SLC5A11: variants seen among roughly 807,000 people sequenced by gnomAD.
The protein encoded by SLC5A11 is solute carrier family 5 member 11, also known as sodium/myo-inositol cotransporter 2.
A neutral mutation model predicts 69.8 loss-of-function variants in SLC5A11; 48 were observed. The ratio of observed to expected loss-of-function variants is 0.69; its 90% CI spans 0.55 to 0.87. The LOEUF (loss-of-function observed/expected upper bound fraction) is 0.87. Ranked by LOEUF, SLC5A11 falls within the 40% of genes least tolerant of loss-of-function variation. The pLI, the probability that SLC5A11 is intolerant of heterozygous loss-of-function variation, is 0.00. For missense variants in SLC5A11, 784 were observed against 866.1 expected (o/e 0.91, Z 1.19); for synonymous variants, 319 against 342.4 (o/e 0.93, Z 0.75).
intron 10 of SLC5A11, among the ~76,000 whole-genome samples, chr16:24,900,186 C>T (rs368847333): frequency 1.9e-4 from 29 of 152,294 alleles, no homozygotes; most frequent in African/African-American, 6.3e-4. Context: ...AAGAAAGCTC[C>T]TCTCTTTTCC....
exon 16 of SLC5A11, chr16:24,911,401 G>A: frequency 6.2e-7 from 1 of 1,614,108 alleles, no homozygotes; most frequent in Non-Finnish European, 8.5e-7. Context: ...AGAAGGGCAA[G>A]GAAGAGCTCC....
intron 10 of SLC5A11, among the ~76,000 whole-genome samples, chr16:24,900,935 A>AG (rs796103017): frequency 8.6e-4 from 129 of 149,292 alleles, no homozygotes; most frequent in Admixed American, 1.1e-3. Flanking sequence ...AAAAAAAAAA[A>AG]AAAAGGAAAG....
intron 14 of SLC5A11, among the ~76,000 whole-genome samples, chr16:24,909,309 G>A (rs2050316545): frequency 6.6e-6 from 1 of 152,130 alleles, no homozygotes; most frequent in Non-Finnish European, 1.5e-5. Context: ...ATGGAGCCCA[G>A]TATCTTCTAG....
intron 1 of SLC5A11, among the ~76,000 whole-genome samples, chr16:24,852,232 A>C (rs973518015): frequency 2.6e-5 from 4 of 152,172 alleles, no homozygotes; most frequent in African/African-American, 9.7e-5. Context: ...TAAGGCATGA[A>C]ATGCGGCAAA....
At chr16:24,907,046 C>T in exon 12 of SLC5A11, 1 of 1,614,134 alleles carries the variant, frequency 6.2e-7, no homozygotes, top group Non-Finnish European at 8.5e-7. Context: ...CTGATGATGG[C>T]TGTGATGGTG....
chr16:24,911,435 G>A (rs779520981), exon 16 of SLC5A11: 1 of 1,614,144 alleles, frequency 6.2e-7, no homozygotes, highest in Non-Finnish European at 8.5e-7. Context: ...AGCCATCATA[G>A]TTTCCCTGGA....
At chr16:24,860,853 C>T (rs1367506068) in intron 2 of SLC5A11, among the ~76,000 whole-genome samples, 1 of 152,094 alleles carries the variant, frequency 6.6e-6, no homozygotes, top group Non-Finnish European at 1.5e-5. Context: ...CTACAGGCAT[C>T]CGTCACCATG....
chr16:24,870,939 C>T (rs1316220208), intron 4 of SLC5A11, among the ~76,000 whole-genome samples: 1 of 151,898 alleles, frequency 6.6e-6, no homozygotes, highest in South Asian at 2.1e-4. Context: ...TAGTTTTTGA[C>T]TTTGTTTGCT....
At chr16:24,892,998 C>T (rs1473993809) in intron 9 of SLC5A11, among the ~76,000 whole-genome samples, 1 of 151,478 alleles carries the variant, frequency 6.6e-6, no homozygotes, top group Non-Finnish European at 1.5e-5. Context: ...TGGCTGGGTG[C>T]GGTGGCTCAT....
At chr16:24,849,945 TTTATTATCATTA>T (rs1218124705) in intron 1 of SLC5A11, among the ~76,000 whole-genome samples, 1 of 151,982 alleles carries the variant, frequency 6.6e-6, no homozygotes, top group Non-Finnish European at 1.5e-5. Flanking sequence ...AATTTTTTAT[TTTATTATCATTA>T]TTATTATCTA....
At chr16:24,874,734 AC>A (rs1322241490) in intron 5 of SLC5A11, among the ~76,000 whole-genome samples, 1 of 152,018 alleles carries the variant, frequency 6.6e-6, no homozygotes, top group Non-Finnish European at 1.5e-5. Context: ...GACTACAGCC[AC>A]CATGCCCAGC....
At chr16:24,870,185 G>C (rs2047185117) in intron 4 of SLC5A11, among the ~76,000 whole-genome samples, 180 bp downstream of exon 5, 1 of 151,942 alleles carries the variant, frequency 6.6e-6, no homozygotes, top group Admixed American at 6.6e-5. Context: ...CTAAGGTCAG[G>C]AGTTCGAGAC....
intron 1 of SLC5A11, among the ~76,000 whole-genome samples, chr16:24,850,369 C>G (rs1304626500): frequency 6.6e-6 from 1 of 152,216 alleles, no homozygotes; most frequent in Admixed American, 6.5e-5. Context: ...GTTCTAGTCC[C>G]AGACAGCCCT....
intron 2 of SLC5A11, among the ~76,000 whole-genome samples, chr16:24,860,197 G>T (rs947211108): frequency 1.3e-5 from 2 of 152,202 alleles, no homozygotes; most frequent in African/African-American, 4.8e-5. Flanking sequence ...TGAGGCAGGA[G>T]AATGGCATGA....
intron 5 of SLC5A11, 55 bp downstream of exon 6, chr16:24,872,274 A>C: frequency 2.5e-6 from 4 of 1,593,308 alleles, no homozygotes; most frequent in South Asian, 2.2e-5. Flanking sequence ...TGGGAATCTC[A>C]GCCCTGCAGT....
chr16:24,902,424 T>C (rs1328484095), intron 10 of SLC5A11, among the ~76,000 whole-genome samples: 1 of 152,168 alleles, frequency 6.6e-6, no homozygotes, highest in African/African-American at 2.4e-5. Context: ...AATCCAGATG[T>C]AGCTGATTCT....
intron 5 of SLC5A11, among the ~76,000 whole-genome samples, chr16:24,873,795 G>C (rs1217440579): frequency 6.6e-6 from 1 of 151,458 alleles, no homozygotes; most frequent in East Asian, 1.9e-4. Context: ...TTTGGTGAAG[G>C]GTGGGTCATA....
chr16:24,874,018 G>C (rs935872575), intron 5 of SLC5A11, among the ~76,000 whole-genome samples: 1 of 151,898 alleles, frequency 6.6e-6, no homozygotes, highest in African/African-American at 2.4e-5. Context: ...GTAGAGATGG[G>C]GTTTCCCCAT....
At chr16:24,886,534 ATAAT>A (rs989676101) in intron 8 of SLC5A11, among the ~76,000 whole-genome samples, 4 of 125,422 alleles carry the variant, frequency 3.2e-5, no homozygotes, top group African/African-American at 7.6e-5. Flanking sequence ...AACAAAGTAA[ATAAT>A]TAAAGTAATC....
Sources: gnomAD v4.1 joint callset for allele counts (sites outside exome capture counted in the v4.1 genomes callset) on GRCh38, gnomAD v4.1.1 for gene constraint, MANE v1.5 for transcripts, NCBI Gene and HGNC (gene_info 2026-07-23, HGNC 2026-07-21) for gene names.